Variants in MTF2 observed in about 807,000 individuals in gnomAD.
MTF2 encodes metal-response element-binding transcription factor 2.
Under a neutral mutation model 79.5 loss-of-function variants are expected in MTF2, and 11 were observed. That is an observed-to-expected ratio of 0.14 (90% CI 0.09 to 0.23). The LOEUF is 0.23. Ranked by LOEUF, MTF2 falls within the 10% of genes least tolerant of loss-of-function variation. The probability of loss-of-function intolerance (pLI) is 1.00; values close to 1 mark genes in which losing one functional copy is unlikely to be tolerated. For missense variants in MTF2, 486 were observed against 711.2 expected (o/e 0.68, Z 3.60); for synonymous variants, 208 against 232.8 (o/e 0.89, Z 0.97).
intron 1 of MTF2, among the ~76,000 whole-genome samples, chr1:93,103,680 T>A (rs1405098843): frequency 6.6e-6 from 1 of 151,992 alleles, no homozygotes; most frequent in East Asian, 1.9e-4. Flanking sequence ...AGAAAGGAAG[T>A]AATAAATTCT....
chr1:93,089,737 G>C (rs1230338571), intron 1 of MTF2, among the ~76,000 whole-genome samples: 1 of 152,020 alleles, frequency 6.6e-6, no homozygotes, highest in Non-Finnish European at 1.5e-5. Context: ...CATTGTTTTA[G>C]AGATTGTGTC....
rs1655973603 is a variant in MTF2, at chr1:93,110,259, T to C, written c.35T>C (p.Val12Ala). The change falls in exon 2 of 15, where the codon GTC (valine) becomes GCC (alanine). Residue 12 changes from valine to alanine, a missense_variant. Around this residue, in one of 4 missense-constraint regions of MTF2, gnomAD observed 75 missense variants for 83.8 expected, o/e 0.89. Coordinates refer to ENST00000370298, the MANE Select transcript of MTF2 (RefSeq NM_007358.4). Reference sequence around the variant, plus strand: ...TCTACAGGGGCAGGTAATTCACTGGTCCACAAGCGGTCTCCTTTACGTCGA... The same window carrying C: ...TCTACAGGGGCAGGTAATTCACTGGCCCACAAGCGGTCTCCTTTACGTCGA... ...RDSTGAGNSL[V>A]HKRSPLRRNQ... 1.9e-6 allele frequency: 3 copies of C among 1,614,150 alleles called. No individual in the cohort carries two copies. The South Asian group carries it at 3.3e-5, about 18-fold the overall frequency.
At chr1:93,120,083 G>A (rs1656409563) in intron 8 of MTF2, 1 of 152,448 alleles carries the variant, frequency 6.6e-6, no homozygotes, top group South Asian at 2.1e-4. Flanking sequence ...TGGAGTTTAA[G>A]ACCAGCCTGG....
chr1:93,093,476 C>G (rs747249678), intron 1 of MTF2, among the ~76,000 whole-genome samples: 1 of 152,098 alleles, frequency 6.6e-6, no homozygotes, highest in Non-Finnish European at 1.5e-5. Context: ...TTCTCTAGAC[C>G]TGCTGCATGG....
At chr1:93,125,381 T>C (rs1439450453) in intron 9 of MTF2, among the ~76,000 whole-genome samples, 1 of 150,408 alleles carries the variant, frequency 6.6e-6, no homozygotes, top group African/African-American at 2.4e-5. Flanking sequence ...TGATTTCAGA[T>C]GAGATATTAA....
intron 1 of MTF2, among the ~76,000 whole-genome samples, chr1:93,101,894 C>A (rs2101042946): frequency 6.6e-6 from 1 of 152,140 alleles, no homozygotes; most frequent in East Asian, 1.9e-4. Flanking sequence ...AACCAATTTT[C>A]AGTGTACAGT....
At position 93,138,685 on chromosome 1, in the gene MTF2, A is replaced by G. The variant is rs1279248687; in HGVS notation, c.*1658A>G. 2.0e-5 allele frequency: 3 copies of G among 152,188 alleles called. No homozygotes were observed. Among genetic ancestry groups the G allele is most frequent in the Non-Finnish European group, 4.4e-5 (3 of 68,022 alleles). The allele number at this position is 152,188 out of a possible 1,614,324, so 9.4% of individuals were successfully genotyped here. A position where few individuals can be genotyped will look rare whatever the true frequency, so the allele number is the denominator to read the frequency against. ...CTCCACCAAAACTTGATTTTCCCCTAGCTATTAATTTAAGGTTGCCTTTCC... is the reference window on the plus strand; with the variant it reads ...CTCCACCAAAACTTGATTTTCCCCTGGCTATTAATTTAAGGTTGCCTTTCC... On this transcript the variant is annotated 3_prime_UTR_variant, in exon 15 of 15. Transcript: ENST00000370298.
At chr1:93,105,474 C>T (rs1411179427) in intron 1 of MTF2, among the ~76,000 whole-genome samples, 1 of 152,172 alleles carries the variant, frequency 6.6e-6, no homozygotes, top group East Asian at 1.9e-4. Flanking sequence ...TAATAAACTT[C>T]ATCAAGTTAT....
intron 1 of MTF2, among the ~76,000 whole-genome samples, chr1:93,102,424 T>C (rs952128675): frequency 2.6e-5 from 4 of 152,054 alleles, no homozygotes; most frequent in African/African-American, 9.6e-5. Context: ...CTACTAAAAA[T>C]TATTTTTAAA....
chr1:93,133,614 A>G, intron 11 of MTF2, 89 bp from the exon 12 acceptor site: 1 of 573,384 alleles, frequency 1.7e-6, no homozygotes, highest in South Asian at 5.7e-5. Flanking sequence ...ATAATAAAAT[A>G]TATGTATATG....
At chr1:93,108,556 T>C (rs572670247) in intron 1 of MTF2, among the ~76,000 whole-genome samples, 25 of 152,286 alleles carry the variant, frequency 1.6e-4, no homozygotes, top group African/African-American at 5.5e-4. Flanking sequence ...GTTAATCTTA[T>C]TGGGGTTTCC....
chr1:93,094,120 T>C (rs1655186131), intron 1 of MTF2, among the ~76,000 whole-genome samples: 1 of 152,220 alleles, frequency 6.6e-6, no homozygotes, highest in Non-Finnish European at 1.5e-5. Context: ...TGGACACTTG[T>C]GGCCTTTTCA....
intron 8 of MTF2, 30 bp downstream of exon 8, chr1:93,119,431 G>T (rs1367744095): frequency 6.6e-7 from 1 of 1,507,662 alleles, no homozygotes; most frequent in Admixed American, 2.2e-5. Flanking sequence ...TTAAAAGAAA[G>T]AAAAGCCATT....
intron 8 of MTF2, 50 bp from the exon 9 acceptor site, chr1:93,120,499 A>G (rs753367301): frequency 6.6e-7 from 1 of 1,504,502 alleles, no homozygotes; most frequent in Non-Finnish European, 8.9e-7. Flanking sequence ...TGATTTTTTA[A>G]CAGTAACCAA....
rs542208812 is a variant in MTF2 at position 93,097,856 on chromosome 1, C to G, written c.6-12374C>G. Among the ~76,000 whole-genome samples, 34 of 152,316 alleles carry G rather than the reference C, an allele frequency of 2.2e-4. No individual in the cohort carries two copies. The East Asian group carries it at 6.4e-3, about 28-fold the overall frequency. ...TAAATGATCTGCCCGCCTCAGCCTC[C>G]CACAGTGCTGGGATTACAGGCATGA... On this transcript the variant is annotated intron_variant, in intron 1 of 14. Coordinates refer to ENST00000370298, the MANE Select transcript of MTF2 (RefSeq NM_007358.4).
chr1:93,135,644 A>G (rs1042330139), intron 14 of MTF2, among the ~76,000 whole-genome samples: 1 of 152,160 alleles, frequency 6.6e-6, no homozygotes, highest in African/African-American at 2.4e-5. Flanking sequence ...ATGAGACCCC[A>G]TCCCTACAAA....
chr1:93,090,775 T>G (rs1655044397), intron 1 of MTF2, among the ~76,000 whole-genome samples: 1 of 151,088 alleles, frequency 6.6e-6, no homozygotes. Flanking sequence ...GCCGTTCTCC[T>G]GCCACAGTCT....
chr1:93,124,294 G>A (rs1013829656), intron 9 of MTF2, among the ~76,000 whole-genome samples: 19 of 151,990 alleles, frequency 1.3e-4, no homozygotes, highest in African/African-American at 4.6e-4. Flanking sequence ...TTGAAACCAT[G>A]ATAAACTTTC....
chr1:93,132,337 A>AT (rs1656953954), intron 11 of MTF2, among the ~76,000 whole-genome samples: 1 of 150,140 alleles, frequency 6.7e-6, no homozygotes, highest in Non-Finnish European at 1.5e-5. Flanking sequence ...GCAGTTGCCC[A>AT]TATTATGAAT....
Sources: allele counts gnomAD v4.1 joint callset (sites outside exome capture counted in the v4.1 genomes callset), GRCh38; gene constraint gnomAD v4.1.1; regional missense constraint gnomAD v4.1.1; transcripts MANE v1.5; gene names NCBI Gene and HGNC (gene_info 2026-07-23, HGNC 2026-07-21).